AFM: variants seen among roughly 807,000 people sequenced by gnomAD.
The protein encoded by AFM is alpha-Alb.
AFM carries 82 observed loss-of-function variants against 68.7 expected under a neutral mutation model. The ratio of observed to expected loss-of-function variants is 1.19; its 90% CI spans 1.00 to 1.43. The LOEUF (loss-of-function observed/expected upper bound fraction) is 1.43. AFM is among the 40% of genes most tolerant of loss of function. The probability of loss-of-function intolerance (pLI) is 0.00; values close to 1 mark genes in which losing one functional copy is unlikely to be tolerated. For synonymous variants in AFM, 250 were observed against 234.2 expected (o/e 1.07, Z -0.61); for missense variants, 772 against 701.8 (o/e 1.10, Z -1.13).
At chr4:73,497,531 G>C (rs1338550836) in intron 9 of AFM, 121 bp from the exon 10 acceptor site, 2 of 509,060 alleles carry the variant, frequency 3.9e-6, no homozygotes, top group Non-Finnish European at 6.4e-6. Flanking sequence ...CCTGAATTTA[G>C]TGTAATAATG....
At chr4:73,503,619 A>G (rs1466317306) in intron 14 of AFM, among the ~76,000 whole-genome samples, 1 of 152,192 alleles carries the variant, frequency 6.6e-6, no homozygotes, top group Non-Finnish European at 1.5e-5. Flanking sequence ...TCAAAAAGAT[A>G]TATAAAGATG....
In AFM at chr4:73,497,751, T is replaced by G. The variant is rs754734355; in HGVS notation, c.1289+2T>G. On this transcript the variant is annotated splice_donor_variant, in intron 10 of 14. Coordinates refer to ENST00000226355, the MANE Select transcript of AFM (RefSeq NM_001133.2). LOFTEE classifies it high-confidence loss of function. ...GGGGAAGGATGGTTTGAAATACCAG[T>G]ATGTTGTTTGCACAAGTGGGCTAAC... The G allele has an allele frequency of 1.9e-6, 3 of 1,575,782 alleles. No individual in the cohort carries two copies. The highest frequency in any genetic ancestry group is 2.6e-6 in the Non-Finnish European group (3 of 1,151,558).
chr4:73,490,668 G>T (rs1443345885), intron 7 of AFM, among the ~76,000 whole-genome samples: 1 of 152,128 alleles, frequency 6.6e-6, no homozygotes, highest in African/African-American at 2.4e-5. Context: ...CTAAGGTACT[G>T]AATTAGGATA....
chr4:73,497,046 G>A (rs1431269044), intron 9 of AFM, among the ~76,000 whole-genome samples: 1 of 152,110 alleles, frequency 6.6e-6, no homozygotes, highest in African/African-American at 2.4e-5. Flanking sequence ...TTTTCATGGA[G>A]ATACAATTTG....
intron 7 of AFM, among the ~76,000 whole-genome samples, chr4:73,489,650 A>T (rs549672656): frequency 2.6e-5 from 4 of 152,196 alleles, no homozygotes; most frequent in Non-Finnish European, 5.9e-5. Flanking sequence ...CATCTCCCCA[A>T]TTCCCAGCCT....
intron 6 of AFM, among the ~76,000 whole-genome samples, chr4:73,488,331 T>G (rs1720968475): frequency 6.6e-6 from 1 of 152,138 alleles, no homozygotes; most frequent in Non-Finnish European, 1.5e-5. Context: ...GAGCTTACAA[T>G]AGGAAGTGGT....
At chr4:73,498,807 G>A (rs776770063) in intron 10 of AFM, among the ~76,000 whole-genome samples, 1 of 152,056 alleles carries the variant, frequency 6.6e-6, no homozygotes, top group Admixed American at 6.6e-5. Context: ...TTTTAAGCAA[G>A]ATTTTAGATA....
At chr4:73,502,723 A>C (rs1560415246) in intron 13 of AFM, among the ~76,000 whole-genome samples, 1 of 152,114 alleles carries the variant, frequency 6.6e-6, no homozygotes, top group Non-Finnish European at 1.5e-5. Flanking sequence ...AGTGACACTT[A>C]GTTTGTGGAA....
intron 8 of AFM, among the ~76,000 whole-genome samples, chr4:73,494,265 G>C (rs1721187248): frequency 6.6e-6 from 1 of 152,086 alleles, no homozygotes; most frequent in Non-Finnish European, 1.5e-5. Flanking sequence ...GATTAATCAA[G>C]AAGGTCAAAT....
intron 8 of AFM, among the ~76,000 whole-genome samples, chr4:73,493,179 C>T (rs1721128854): frequency 6.6e-6 from 1 of 152,072 alleles, no homozygotes; most frequent in Non-Finnish European, 1.5e-5. Flanking sequence ...CAGCGAGAGA[C>T]CAGCATGGTG....
intron 9 of AFM, among the ~76,000 whole-genome samples, chr4:73,496,908 A>T (rs755931987): frequency 6.6e-6 from 1 of 152,150 alleles, no homozygotes; most frequent in African/African-American, 2.4e-5. Context: ...CACTTGCCAC[A>T]AACACCAGTT....
At chr4:73,494,355 C>T (rs1301433094) in intron 8 of AFM, among the ~76,000 whole-genome samples, 5 of 151,892 alleles carry the variant, frequency 3.3e-5, no homozygotes, top group East Asian at 3.8e-4. Flanking sequence ...GCTCACAAAA[C>T]GTGGAAGATC....
rs527723362 is a variant in AFM at position 73,486,890 on chromosome 4, C to T, written c.483-77C>T. On this transcript the variant is annotated intron_variant, in intron 4 of 14. Transcript: ENST00000226355. ...ATCTTACCCTCCCTTCCCTTCCCTTCCCTTCCCTTGTCTACATTCATTGCT... is the reference window on the plus strand; with the variant it reads ...ATCTTACCCTCCCTTCCCTTCCCTTTCCTTCCCTTGTCTACATTCATTGCT... The T allele has an allele frequency of 2.2e-5, 31 of 1,436,706 alleles. No individual in the cohort carries two copies. In the South Asian group the frequency reaches 4.1e-4, roughly 19 times the overall value. 89.0% of individuals were successfully genotyped at this position (1,436,706 alleles called of 1,614,324 possible). A position where few individuals can be genotyped will look rare whatever the true frequency, so the allele number is the denominator to read the frequency against.
chr4:73,482,408 A>G (rs1370044163), intron 1 of AFM, among the ~76,000 whole-genome samples: 1 of 152,192 alleles, frequency 6.6e-6, no homozygotes, highest in East Asian at 1.9e-4. Context: ...TCATATGTCT[A>G]GAGGAGGTGT....
intron 9 of AFM, 131 bp from the exon 10 acceptor site, chr4:73,497,521 C>A: frequency 2.2e-6 from 1 of 449,710 alleles, no homozygotes; most frequent in Admixed American, 4.4e-5. Context: ...TAAAAAGTGC[C>A]CTGAATTTAG....
At chr4:73,501,348 T>A (rs1368394619) in intron 12 of AFM, among the ~76,000 whole-genome samples, 2 of 152,176 alleles carry the variant, frequency 1.3e-5, no homozygotes, top group South Asian at 4.1e-4. Flanking sequence ...GTAATTGGAA[T>A]GTCCATCATC....
rs763080323 is a variant in AFM at position 73,500,231 on chromosome 4, C to A, written c.1646+4C>A. The A allele has an allele frequency of 1.9e-6, 3 of 1,600,942 alleles. No individual in the cohort carries two copies. The highest frequency in any genetic ancestry group is 4.5e-5 in the East Asian group (2 of 44,172). ...AGCTTCAGAGGAAGACAGACAGGTACAAATAATCTCTTCCATTCTTCTTTT... is the reference window on the plus strand; with the variant it reads ...AGCTTCAGAGGAAGACAGACAGGTAAAAATAATCTCTTCCATTCTTCTTTT... On this transcript the variant is annotated splice_donor_region_variant and intron_variant, in intron 12 of 14. Coordinates refer to ENST00000226355, the MANE Select transcript of AFM (RefSeq NM_001133.2).
At chr4:73,487,919 A>G (rs571635644) in intron 6 of AFM, 98 bp downstream of exon 6, 45 of 809,076 alleles carry the variant, frequency 5.6e-5, no homozygotes, top group Middle Eastern at 6.1e-4. Context: ...TATTCTTCCT[A>G]GTACCTAGGG....
intron 14 of AFM, 72 bp downstream of exon 14, chr4:73,503,182 C>A: frequency 8.4e-7 from 1 of 1,185,354 alleles, no homozygotes; most frequent in Non-Finnish European, 1.2e-6. Flanking sequence ...TTTTCTCCCT[C>A]ATGCTTCTTT....
Sources: allele counts gnomAD v4.1 joint callset (sites outside exome capture counted in the v4.1 genomes callset), GRCh38; gene constraint gnomAD v4.1.1; transcripts MANE v1.5; gene names NCBI Gene and HGNC (gene_info 2026-07-23, HGNC 2026-07-21).